Variants in PGM1 observed in about 807,000 individuals in gnomAD.
PGM1 encodes the protein phosphoglucomutase 1, also known as phosphoglucomutase-1.
PGM1 carries 52 observed loss-of-function variants against 55.6 expected under a neutral mutation model. The observed-to-expected ratio is 0.94, with a 90% CI of 0.75 to 1.18. PGM1 has a LOEUF of 1.18. Ranked by LOEUF, PGM1 falls within the 50% of genes most tolerant of loss-of-function variation. The pLI, the probability that PGM1 is intolerant of heterozygous loss-of-function variation, is 0.00. For synonymous variants in PGM1, 287 were observed against 271.7 expected (o/e 1.06, Z -0.55); for missense variants, 724 against 729.3 (o/e 0.99, Z 0.08).
Position 63,593,529 on chromosome 1 carries a change from A to T in PGM1, c.41A>T (p.Asp14Val). 6.2e-7 allele frequency: 1 copy of T among 1,613,884 alleles called. No homozygotes were observed. Among genetic ancestry groups the T allele is most frequent in the South Asian group, 1.1e-5 (1 of 91,086 alleles). The change falls in exon 1 of 11, where the codon GAC becomes GTC. Residue 14 changes from aspartate to valine, a missense_variant. Asp to Val is a radical substitution (Grantham distance 152, BLOSUM62 -3). This residue lies in a region of PGM1 where 379 missense variants were observed against 357.5 expected (regional missense o/e 1.06). Transcript: ENST00000371084. ...ACAGTTAAGACCCAGGCGTACCAGGACCAGAAGCCGGGCACGAGCGGGCTG... is the reference window on the plus strand; with the variant it reads ...ACAGTTAAGACCCAGGCGTACCAGGTCCAGAAGCCGGGCACGAGCGGGCTG... Reference protein sequence around the residue: ...IVTVKTQAYQDQKPGTSGLRK... With the variant: ...IVTVKTQAYQVQKPGTSGLRK...
At chr1:63,638,430 G>A (rs748097040) in intron 6 of PGM1, among the ~76,000 whole-genome samples, 23 of 152,088 alleles carry the variant, frequency 1.5e-4, no homozygotes, top group Middle Eastern at 3.2e-3. Context: ...ATTTTACTAC[G>A]GATGCTTCTT....
chr1:63,600,569 G>A (rs917134151), intron 1 of PGM1, among the ~76,000 whole-genome samples: 12 of 152,138 alleles, frequency 7.9e-5, no homozygotes, highest in Non-Finnish European at 1.2e-4. Flanking sequence ...ATGAAGATAA[G>A]TTCTCTGAAG....
At chr1:63,621,057 C>T (rs1288984235) in intron 1 of PGM1, among the ~76,000 whole-genome samples, 1 of 151,984 alleles carries the variant, frequency 6.6e-6, no homozygotes, top group Non-Finnish European at 1.5e-5. Context: ...AACATTGCTG[C>T]TTCTGGTAAT....
chr1:63,638,092 A>G (rs1649409263), intron 6 of PGM1, among the ~76,000 whole-genome samples: 1 of 152,226 alleles, frequency 6.6e-6, no homozygotes, highest in African/African-American at 2.4e-5. Context: ...AAGGGGAACC[A>G]CTAATCAGTG....
Position 63,593,512 on chromosome 1 carries a change from G to C in PGM1, c.24G>C (p.Lys8Asn). Residue 8 changes from lysine (K) to asparagine (N), a missense_variant, in exon 1 of 11, where the codon AAG becomes AAC. Around this residue, in one of 3 missense-constraint regions of PGM1, gnomAD observed 379 missense variants for 357.5 expected, o/e 1.06. Coordinates refer to ENST00000371084, the MANE Select transcript of PGM1 (RefSeq NM_002633.3). Reference sequence around the variant, plus strand: ...CCATGGTGAAGATCGTGACAGTTAAGACCCAGGCGTACCAGGACCAGAAGC... The same window carrying C: ...CCATGGTGAAGATCGTGACAGTTAACACCCAGGCGTACCAGGACCAGAAGC... MVKIVTV[K>N]TQAYQDQKPG... The C allele has an allele frequency of 6.2e-7, 1 of 1,613,852 alleles. No individual in the cohort carries two copies. Among genetic ancestry groups the C allele is most frequent in the Non-Finnish European group, 8.5e-7 (1 of 1,179,926 alleles).
intron 10 of PGM1, among the ~76,000 whole-genome samples, chr1:63,655,527 TC>T (rs1261474162): frequency 6.6e-6 from 1 of 152,172 alleles, no homozygotes; most frequent in Non-Finnish European, 1.5e-5. Context: ...AAGGAGGGAC[TC>T]TGGGAGCAAA....
intron 1 of PGM1, among the ~76,000 whole-genome samples, chr1:63,596,254 C>CTTTTTTTT (rs531673796): frequency 5.4e-5 from 6 of 111,324 alleles, no homozygotes; most frequent in Non-Finnish European, 1.1e-4. Flanking sequence ...TTTTCTTCTT[C>CTTTTTTTT]TTTTTTTTTT....
chr1:63,632,728 C>A (rs963444830), intron 4 of PGM1, among the ~76,000 whole-genome samples: 1 of 152,136 alleles, frequency 6.6e-6, no homozygotes, highest in Non-Finnish European at 1.5e-5. Flanking sequence ...AAACTAACCC[C>A]GGGGTCGGGC....
At chr1:63,625,081 T>C (rs1002144233) in intron 1 of PGM1, among the ~76,000 whole-genome samples, 1 of 152,222 alleles carries the variant, frequency 6.6e-6, no homozygotes, top group Non-Finnish European at 1.5e-5. Flanking sequence ...GGAACATTAT[T>C]TCTCCACATA....
chr1:63,645,382 GA>G (rs984222580), intron 7 of PGM1, among the ~76,000 whole-genome samples: 4 of 150,132 alleles, frequency 2.7e-5, no homozygotes, highest in Admixed American at 6.6e-5. Context: ...AGAGAAAAAA[GA>G]AAAAAAAATT....
intron 1 of PGM1, chr1:63,623,186 CT>C: frequency 8.0e-7 from 1 of 1,249,694 alleles, no homozygotes; most frequent in Non-Finnish European, 1.0e-6. Context: ...GGGTATTTGG[CT>C]TGGTTAAGTG....
intron 7 of PGM1, among the ~76,000 whole-genome samples, chr1:63,644,124 G>A (rs1649592166): frequency 6.6e-6 from 1 of 152,192 alleles, no homozygotes; most frequent in Non-Finnish European, 1.5e-5. Context: ...GCTCCCTCAG[G>A]AATGGTTGAC....
chr1:63,627,063 CCCCA>C lies in PGM1; in HGVS notation c.247-2360_247-2357del, dbSNP rs1298480284. ...GTGGCATATGGCAGGACCCCCCCCCCCCCACACACACACACACTTTTAAGGCTGA... is the reference window on the plus strand; with the variant it reads ...GTGGCATATGGCAGGACCCCCCCCCCCACACACACACACTTTTAAGGCTGA... On this transcript the variant is annotated intron_variant, in intron 1 of 10. Transcript: ENST00000371084. Among the ~76,000 whole-genome samples the C allele has an allele frequency of 2.0e-3, 248 of 125,160 alleles. 1 individual carries two copies. The highest frequency in any genetic ancestry group is 6.4e-3 in the East Asian group (21 of 3,280). 82.1% of individuals were successfully genotyped at this position (125,160 alleles called of 152,430 possible). A position where few individuals can be genotyped will look rare whatever the true frequency, so the allele number is the denominator to read the frequency against.
chr1:63,634,976 A>G lies in PGM1; in HGVS notation c.830A>G (p.Lys277Arg). ...GCAGCTGACCTGGTGGAGACCATGA[A>G]GTCAGGAGAGCATGATTTTGGGGCT... is the stretch of plus-strand genomic sequence containing the variant. Reference protein sequence around the residue: ...TYAADLVETMKSGEHDFGAAF... With the variant: ...TYAADLVETMRSGEHDFGAAF... The change falls in exon 5 of 11, where the codon AAG becomes AGG. Residue 277 changes from lysine to arginine, a missense_variant. By Grantham distance (26) the Lys-to-Arg change is conservative. Coordinates refer to ENST00000371084, the MANE Select transcript of PGM1 (RefSeq NM_002633.3). 1 of 1,613,982 alleles carries G rather than the reference A, an allele frequency of 6.2e-7. No homozygotes were observed. Among genetic ancestry groups the G allele is most frequent in the Non-Finnish European group, 8.5e-7 (1 of 1,179,966 alleles).
chr1:63,603,911 C>G (rs568050010), intron 1 of PGM1, among the ~76,000 whole-genome samples: 15 of 152,268 alleles, frequency 9.9e-5, no homozygotes, highest in Non-Finnish European at 2.1e-4. Flanking sequence ...CCTGGAAGTT[C>G]TATATACAAC....
chr1:63,627,594 C>T (rs1240197029), intron 1 of PGM1, among the ~76,000 whole-genome samples: 1 of 152,122 alleles, frequency 6.6e-6, no homozygotes, highest in Non-Finnish European at 1.5e-5. Flanking sequence ...TACCTTGCTT[C>T]TATCTCTCAA....
At chr1:63,613,390 G>T (rs190879245) in intron 1 of PGM1, among the ~76,000 whole-genome samples, 1 of 150,740 alleles carries the variant, frequency 6.6e-6, no homozygotes, top group African/African-American at 2.4e-5. Flanking sequence ...GTCTGAAATC[G>T]AGGTGACAGC....
intron 10 of PGM1, among the ~76,000 whole-genome samples, chr1:63,657,856 A>C (rs541424400): frequency 6.6e-6 from 1 of 152,250 alleles, no homozygotes; most frequent in Non-Finnish European, 1.5e-5. Context: ...AACCAAAGGC[A>C]ATGGGGTCTG....
chr1:63,630,655 A>G (rs1649170847), intron 3 of PGM1, among the ~76,000 whole-genome samples: 1 of 152,228 alleles, frequency 6.6e-6, no homozygotes, highest in Non-Finnish European at 1.5e-5. Context: ...GGGGGACCAA[A>G]TTGCAACTCC....
Sources: allele counts gnomAD v4.1 joint callset (sites outside exome capture counted in the v4.1 genomes callset), GRCh38; gene constraint gnomAD v4.1.1; regional missense constraint gnomAD v4.1.1; transcripts MANE v1.5; gene names NCBI Gene and HGNC (gene_info 2026-07-23, HGNC 2026-07-21).